Variants in SETBP1 observed in about 807,000 individuals in gnomAD.
SETBP1 encodes SET binding protein 1, also known as SET-binding protein.
Under a neutral mutation model 101.0 loss-of-function variants are expected in SETBP1, and 9 were observed. That is an observed-to-expected ratio of 0.09 (90% CI 0.05 to 0.16). The LOEUF (loss-of-function observed/expected upper bound fraction) is 0.16, where lower values mean the gene tolerates loss of function less well. Among genes scored for constraint, SETBP1 ranks in the 10% least tolerant of loss-of-function variants. The pLI, the probability that SETBP1 is intolerant of heterozygous loss-of-function variation, is 1.00. For synonymous variants in SETBP1, 818 were observed against 788.5 expected, an observed-to-expected ratio of 1.04 and a Z score of -0.63; for missense variants, 1,858 against 2,033.8, an observed-to-expected ratio of 0.91 and a Z score of 1.66.
intron 2 of SETBP1, among the ~76,000 whole-genome samples, chr18:44,805,405 AGT>A (rs4024593): frequency 0.15 from 21,691 of 144,234 alleles, 1,527 homozygotes; most frequent in Middle Eastern, 0.18. Flanking sequence ...TGCACATGTA[AGT>A]GTGTGTGTGT....
chr18:44,705,352 T>A (rs2069196406), intron 2 of SETBP1, among the ~76,000 whole-genome samples: 1 of 152,220 alleles, frequency 6.6e-6, no homozygotes, highest in African/African-American at 2.4e-5. Context: ...AGAGGTACTA[T>A]GACCTTCAAA....
chr18:44,752,622 C>T (rs1237524225), intron 2 of SETBP1, among the ~76,000 whole-genome samples: 1 of 152,078 alleles, frequency 6.6e-6, no homozygotes, highest in Non-Finnish European at 1.5e-5. Flanking sequence ...TTATATGTTA[C>T]TTTAAGGGAT....
At chr18:44,888,989 T>C (rs538194315) in intron 3 of SETBP1, among the ~76,000 whole-genome samples, 1 of 152,298 alleles carries the variant, frequency 6.6e-6, no homozygotes, top group South Asian at 2.1e-4. Flanking sequence ...TCTCTCATTC[T>C]GCTTTATTCT....
rs79444773 is a variant in SETBP1 at position 44,895,871 on chromosome 18, A to T, written c.540+26588A>T. ...ACTTTTTTTGCATTATGAGCTATTT[A>T]TTAACATCGAGAGGCAAATCTGAAA... On this transcript the variant is annotated intron_variant, in intron 3 of 5. Transcript: ENST00000649279. Among the ~76,000 whole-genome samples the T allele has an allele frequency of 5.1e-4, 77 of 152,278 alleles. No homozygotes were observed. In the East Asian group the frequency reaches 0.014, roughly 28 times the overall value.
chr18:44,791,418 A>G (rs958027990), intron 2 of SETBP1, among the ~76,000 whole-genome samples: 1 of 152,206 alleles, frequency 6.6e-6, no homozygotes, highest in African/African-American at 2.4e-5. Context: ...CAAAACACAT[A>G]CACACACATA....
At chr18:44,858,162 G>A (rs2073012985) in intron 2 of SETBP1, among the ~76,000 whole-genome samples, 1 of 152,214 alleles carries the variant, frequency 6.6e-6, no homozygotes, top group Non-Finnish European at 1.5e-5. Context: ...TGTTTTCCAA[G>A]GATGTTTTGT....
At chr18:44,932,716 C>G (rs1477661630) in intron 3 of SETBP1, among the ~76,000 whole-genome samples, 1 of 152,200 alleles carries the variant, frequency 6.6e-6, no homozygotes, top group Non-Finnish European at 1.5e-5. Context: ...GATACCCTTT[C>G]TTCCACTTGA....
intron 4 of SETBP1, among the ~76,000 whole-genome samples, chr18:44,999,386 G>C (rs1299316090): frequency 6.6e-6 from 1 of 152,170 alleles, no homozygotes; most frequent in Non-Finnish European, 1.5e-5. Context: ...TTTGAAAGTA[G>C]AAAAATCTCA....
chr18:45,007,610 A>G (rs2072756179), intron 4 of SETBP1, among the ~76,000 whole-genome samples: 1 of 151,918 alleles, frequency 6.6e-6, no homozygotes, highest in South Asian at 2.1e-4. Context: ...TTCCCATCTC[A>G]CAGCTGTGAA....
At chr18:44,723,705 A>G (rs940474894) in intron 2 of SETBP1, among the ~76,000 whole-genome samples, 31 of 152,252 alleles carry the variant, frequency 2.0e-4, no homozygotes, top group Non-Finnish European at 3.7e-4. Context: ...TAATCAGATA[A>G]AGGGGCCTTT....
At chr18:44,943,440 G>C (rs1244961980) in intron 3 of SETBP1, among the ~76,000 whole-genome samples, 3 of 152,188 alleles carry the variant, frequency 2.0e-5, no homozygotes, top group African/African-American at 7.2e-5. Context: ...GATAATATCA[G>C]AGCCTCTCTA....
chr18:45,032,821 G>T (rs969546710), intron 4 of SETBP1, among the ~76,000 whole-genome samples: 4 of 152,138 alleles, frequency 2.6e-5, no homozygotes, highest in Admixed American at 2.6e-4. Context: ...ACCCAAAGAT[G>T]CCATATGAAT....
intron 2 of SETBP1, among the ~76,000 whole-genome samples, chr18:44,723,334 G>A (rs1012445486): frequency 1.3e-5 from 2 of 152,082 alleles, no homozygotes; most frequent in African/African-American, 4.8e-5. Context: ...ATTTGAGAGG[G>A]TCACACTGTT....
At chr18:44,822,982 A>G (rs1039098613) in intron 2 of SETBP1, among the ~76,000 whole-genome samples, 2 of 152,176 alleles carry the variant, frequency 1.3e-5, no homozygotes, top group African/African-American at 2.4e-5. Context: ...CATCTCTACA[A>G]AAAATACATG....
chr18:45,036,651 T>C (rs1179420012), intron 4 of SETBP1, among the ~76,000 whole-genome samples: 2 of 152,190 alleles, frequency 1.3e-5, no homozygotes, highest in Non-Finnish European at 2.9e-5. Flanking sequence ...AAGAAAAGCA[T>C]AAATGGCATT....
chr18:45,035,182 A>C (rs943914952), intron 4 of SETBP1, among the ~76,000 whole-genome samples: 1 of 152,208 alleles, frequency 6.6e-6, no homozygotes, highest in Admixed American at 6.5e-5. Flanking sequence ...TTCATAGATT[A>C]GCATTTGTTT....
chr18:44,994,973 G>C (rs781034632), intron 4 of SETBP1, among the ~76,000 whole-genome samples: 11 of 151,958 alleles, frequency 7.2e-5, no homozygotes, highest in Non-Finnish European at 1.5e-4. Flanking sequence ...CTTTTGCCCA[G>C]GTGTGGGAAT....
chr18:45,000,545 T>C (rs1025295060), intron 4 of SETBP1, among the ~76,000 whole-genome samples: 3 of 152,138 alleles, frequency 2.0e-5, no homozygotes, highest in Non-Finnish European at 4.4e-5. Context: ...CCACCAAATC[T>C]GTTGAAAATG....
chr18:44,892,377 A>C (rs1351717887), intron 3 of SETBP1, among the ~76,000 whole-genome samples: 1 of 152,170 alleles, frequency 6.6e-6, no homozygotes, highest in Non-Finnish European at 1.5e-5. Flanking sequence ...TGAGGACTTA[A>C]ACAGACACTC....
Sources: gnomAD v4.1 joint callset for allele counts (sites outside exome capture counted in the v4.1 genomes callset) on GRCh38, gnomAD v4.1.1 for gene constraint, MANE v1.5 for transcripts, NCBI Gene and HGNC (gene_info 2026-07-23, HGNC 2026-07-21) for gene names.